TCF20: variants seen among roughly 807,000 people sequenced by gnomAD.
The protein encoded by TCF20 is SPRE-binding protein.
In TCF20, 3 loss-of-function variants were observed where a neutral mutation model predicts 148.6. The observed-to-expected ratio is 0.02, with a 90% CI of 0.01 to 0.05. The LOEUF (loss-of-function observed/expected upper bound fraction) is 0.05. Among genes scored for constraint, TCF20 ranks in the 10% least tolerant of loss-of-function variants. The probability of loss-of-function intolerance (pLI) is 1.00; values close to 1 mark genes in which losing one functional copy is unlikely to be tolerated. For missense variants in TCF20, 2,350 were observed against 2,429.3 expected (o/e 0.97, Z 0.69); for synonymous variants, 1,049 against 909.5 (o/e 1.15, Z -2.76).
intron 1 of TCF20, among the ~76,000 whole-genome samples, chr22:42,240,478 C>G (rs945635315): frequency 6.6e-6 from 1 of 152,162 alleles, no homozygotes; most frequent in African/African-American, 2.4e-5. Flanking sequence ...TACAGTAATA[C>G]AGACTAAATA....
intron 1 of TCF20, chr22:42,278,550 C>T (rs565476931): frequency 6.6e-6 from 1 of 152,374 alleles, no homozygotes; most frequent in East Asian, 1.9e-4. Flanking sequence ...CAGATCCAGA[C>T]GCTCAGCTCC....
intron 1 of TCF20, among the ~76,000 whole-genome samples, chr22:42,259,602 A>C (rs1182473069): frequency 6.6e-6 from 1 of 152,148 alleles, no homozygotes; most frequent in Non-Finnish European, 1.5e-5. Flanking sequence ...TCGCTTCCTC[A>C]GTTGTTTTCT....
At chr22:42,298,420 G>A (rs1009996239) in intron 1 of TCF20, among the ~76,000 whole-genome samples, 1 of 152,386 alleles carries the variant, frequency 6.6e-6, no homozygotes, top group East Asian at 1.9e-4. Context: ...AGGGAGACAG[G>A]AGTAGTGTCA....
In TCF20 at chr22:42,161,443, A is replaced by G. The variant is rs1268995045; in HGVS notation, c.*45-85T>C. 2.5e-6 allele frequency: 4 copies of G among 1,589,950 alleles called. No homozygotes were observed. In the African/African-American group the frequency reaches 4.0e-5, roughly 16 times the overall value. On this transcript the variant is annotated intron_variant, in intron 5 of 5. Transcript: ENST00000677622. ...GCCGCTGTTCCGTGGTACCCCTGGG[A>G]GCTTTCAGCAGGGAGCCTGCACTCA... is the stretch of plus-strand genomic sequence containing the variant.
intron 1 of TCF20, among the ~76,000 whole-genome samples, chr22:42,304,047 C>A (rs1927388828): frequency 1.3e-5 from 2 of 152,060 alleles, no homozygotes; most frequent in Non-Finnish European, 2.9e-5. Context: ...GCAAGAACAT[C>A]AAAGCTAGGT....
chr22:42,264,582 C>T (rs1926188687), intron 1 of TCF20, among the ~76,000 whole-genome samples: 1 of 152,204 alleles, frequency 6.6e-6, no homozygotes. Context: ...AAATTATTTA[C>T]TTTGTTTAAT....
chr22:42,320,831 T>C (rs929700958), intron 1 of TCF20, among the ~76,000 whole-genome samples: 1 of 152,174 alleles, frequency 6.6e-6, no homozygotes, highest in African/African-American at 2.4e-5. Flanking sequence ...ACTCAGGTAC[T>C]GCGAATACCT....
intron 1 of TCF20, among the ~76,000 whole-genome samples, chr22:42,324,774 G>A (rs1927843524): frequency 1.8e-5 from 2 of 111,710 alleles, no homozygotes; most frequent in South Asian, 5.7e-4. Flanking sequence ...GAATCGTGTG[G>A]TTTGCTAATG....
In TCF20 at chr22:42,210,945, A is replaced by G. The variant is rs1920944464; in HGVS notation, c.4361T>C (p.Val1454Ala). 1 of 1,614,022 alleles carries G rather than the reference A, an allele frequency of 6.2e-7. No homozygotes were observed. Among genetic ancestry groups the G allele is most frequent in the East Asian group, 2.2e-5 (1 of 44,862 alleles). ...ACCAGGGGGTTCCTTTCCGGCAGTA[A>G]CTGTTTCTGCATGTGTCTCTGTCTT... Reference protein sequence around the residue: ...KVKTETHAETVTAGKEPPGAM... With the variant: ...KVKTETHAETATAGKEPPGAM... The change falls in exon 2 of 6, where the codon GTT becomes GCT. Residue 1454 changes from valine (V) to alanine (A), a missense_variant. By Grantham distance (64) the Val-to-Ala change is moderately conservative. Transcript: ENST00000677622. This position sits in a 1 kb window ranked among gnomAD's most constrained non-coding sequence, Gnocchi z 4.7.
intron 1 of TCF20, among the ~76,000 whole-genome samples, chr22:42,323,900 TGGA>T (rs747062335): frequency 0.023 from 925 of 40,160 alleles, 61 homozygotes; most frequent in South Asian, 0.065. Context: ...GTTATGGTGG[TGGA>T]GGTGGTGGTG....
intron 1 of TCF20, among the ~76,000 whole-genome samples, chr22:42,264,749 A>G (rs1012826418): frequency 4.6e-5 from 7 of 152,182 alleles, no homozygotes; most frequent in Admixed American, 1.3e-4. Flanking sequence ...ATCACCTGAC[A>G]TTTTTATTTA....
At chr22:42,251,470 CTG>C (rs1485360294) in intron 1 of TCF20, among the ~76,000 whole-genome samples, 4 of 139,058 alleles carry the variant, frequency 2.9e-5, no homozygotes, top group Non-Finnish European at 6.1e-5. Context: ...GTGTGAGACT[CTG>C]TACCTGGCCA....
At chr22:42,170,421 C>T (rs896579775) in intron 3 of TCF20, among the ~76,000 whole-genome samples, 6 of 150,954 alleles carry the variant, frequency 4.0e-5, no homozygotes, top group African/African-American at 1.5e-4. Flanking sequence ...GGTGAGAAGA[C>T]TGCTTGAGCC....
At chr22:42,273,863 C>T (rs1165384848), upstream of TCF20, 2 of 152,704 alleles carry the variant, frequency 1.3e-5, no homozygotes, top group Admixed American at 1.3e-4. Context: ...TGGGCCACTC[C>T]AGGATTACAA....
intron 1 of TCF20, among the ~76,000 whole-genome samples, chr22:42,218,533 A>G (rs1309949257): frequency 2.0e-5 from 3 of 152,226 alleles, no homozygotes; most frequent in African/African-American, 7.2e-5. Context: ...TGGGGGCTAA[A>G]TTGAACAAAA....
chr22:42,276,617 A>T (rs1926784853), intron 1 of TCF20: 1 of 152,234 alleles, frequency 6.6e-6, no homozygotes, highest in Admixed American at 6.5e-5. Context: ...AGGGATGCAG[A>T]GCTGGATGCT....
At chr22:42,191,486 A>AAAATACCTG (rs1490066869) in intron 2 of TCF20, among the ~76,000 whole-genome samples, 11 of 152,080 alleles carry the variant, frequency 7.2e-5, no homozygotes, top group Non-Finnish European at 1.3e-4. Context: ...ACGGGGTTTC[A>AAAATACCTG]CCATATTGGC....
chr22:42,256,984 C>T (rs1355491497), intron 1 of TCF20, among the ~76,000 whole-genome samples: 2 of 152,142 alleles, frequency 1.3e-5, no homozygotes, highest in African/African-American at 4.8e-5. Context: ...CATAGAGAGA[C>T]CCCAATCTCT....
At chr22:42,255,359 C>T (rs1037555341) in intron 1 of TCF20, among the ~76,000 whole-genome samples, 3 of 151,908 alleles carry the variant, frequency 2.0e-5, no homozygotes, top group African/African-American at 7.3e-5. Context: ...CTTGGTGGTG[C>T]GTGCCTGTAG....
Sources: allele counts gnomAD v4.1 joint callset (sites outside exome capture counted in the v4.1 genomes callset), GRCh38; gene constraint gnomAD v4.1.1; non-coding constraint Gnocchi (gnomAD v3.1); transcripts MANE v1.5; gene names NCBI Gene and HGNC (gene_info 2026-07-23, HGNC 2026-07-21).